Variants in CFHR3 observed in about 807,000 individuals in gnomAD.
The protein encoded by CFHR3 is complement factor H-related protein 3.
In CFHR3, 22 loss-of-function variants were observed where a neutral mutation model predicts 36.0. That is an observed-to-expected ratio of 0.61 (90% confidence interval 0.44 to 0.87). The LOEUF (loss-of-function observed/expected upper bound fraction) is 0.87, where lower values mean the gene tolerates loss of function less well. Among genes scored for constraint, CFHR3 ranks in the 40% least tolerant of loss-of-function variants. CFHR3 has a pLI of 0.00. For synonymous variants in CFHR3, 97 were observed against 137.4 expected, an observed-to-expected ratio of 0.71 and a Z score of 2.06; for missense variants, 276 against 401.3, an observed-to-expected ratio of 0.69 and a Z score of 2.67.
rs1427823500 is a variant in CFHR3, at chr1:196,789,316, C to G, written c.614-729C>G. ...TAAGCTAAGAGAGAAAAAAGATACA[C>G]TTACAAAGTGATTATCTCAATGTTA... On this transcript the variant is annotated intron_variant, in intron 4 of 5. Transcript: ENST00000367425. The G allele has an allele frequency of 2.0e-4, 178 of 873,208 alleles. 20 individuals carry two copies. The highest frequency in any genetic ancestry group is 2.3e-4 in the Non-Finnish European group (171 of 737,188). The allele number at this position is 873,208 out of a possible 1,614,324, so 54.1% of individuals were successfully genotyped here. A position where few individuals can be genotyped will look rare whatever the true frequency, so the allele number is the denominator to read the frequency against.
At position 196,788,865 on chromosome 1, in the gene CFHR3, A is replaced by G. The variant is rs770781053; in HGVS notation, c.613+467A>G. On this transcript the variant is annotated intron_variant, in intron 4 of 5. Transcript: ENST00000367425. Reference sequence around the variant, plus strand: ...AATCAGACCTTAATAATTTGTATCAATGATGCTACTGAGGATATCCAATCA... The same window carrying G: ...AATCAGACCTTAATAATTTGTATCAGTGATGCTACTGAGGATATCCAATCA... 15 of 1,442,290 alleles carry G rather than the reference A, an allele frequency of 1.0e-5. 4 individuals carry two copies. The highest frequency in any genetic ancestry group is 1.2e-5 in the Non-Finnish European group (13 of 1,088,278). 89.3% of individuals were successfully genotyped at this position (1,442,290 alleles called of 1,614,324 possible).
chr1:196,788,687 G>A lies in CFHR3; in HGVS notation c.613+289G>A, dbSNP rs1208642060. ...CTGCATGAGAGTATCAGCAAAATAT[G>A]TTAGTTGCCAATAAAAACTTTGTTG... On this transcript the variant is annotated intron_variant, in intron 4 of 5. Transcript: ENST00000367425. 4.8e-6 allele frequency: 7 copies of A among 1,454,090 alleles called. 2 individuals are homozygous for A. The highest frequency in any genetic ancestry group is 2.7e-5 in the South Asian group (2 of 74,194). 90.1% of individuals were successfully genotyped at this position (1,454,090 alleles called of 1,614,324 possible).
chr1:196,793,499 C>G lies in CFHR3; in HGVS notation c.979C>G (p.Pro327Ala). 1 of 1,524,310 alleles carries G rather than the reference C, an allele frequency of 6.6e-7. No individual in the cohort carries two copies. The highest frequency in any genetic ancestry group is 8.9e-7 in the Non-Finnish European group (1 of 1,127,510). 94.4% of individuals were successfully genotyped at this position (1,524,310 alleles called of 1,614,324 possible). A position where few individuals can be genotyped will look rare whatever the true frequency, so the allele number is the denominator to read the frequency against. ...AVCREGIVEY[P>A]RCE ...GTGTCGGGAAGGGATAGTGGAATAC[C>G]CCAGATGCGAATAAGGCAGCATTGT... The change falls in exon 6 of 6, where the codon CCC (proline) becomes GCC (alanine). Residue 327 changes from proline (P) to alanine (A), a missense_variant. Coordinates refer to ENST00000367425, the MANE Select transcript of CFHR3 (RefSeq NM_021023.6).
chr1:196,776,614 A>G (rs1290562101), intron 1 of CFHR3, among the ~76,000 whole-genome samples: 1 of 136,266 alleles, frequency 7.3e-6, no homozygotes, highest in Non-Finnish European at 1.6e-5. Flanking sequence ...CATAGAGAGA[A>G]AACAACCATT....
intron 3 of CFHR3, among the ~76,000 whole-genome samples, chr1:196,784,764 C>T (rs1399896505): frequency 7.4e-6 from 1 of 135,558 alleles, no homozygotes; most frequent in Non-Finnish European, 1.6e-5. Context: ...TCCAATTTGC[C>T]AGTCTGTGTC....
chr1:196,777,483 A>G (rs1241488739), intron 1 of CFHR3, among the ~76,000 whole-genome samples: 1 of 136,370 alleles, frequency 7.3e-6, no homozygotes, highest in African/African-American at 3.1e-5. Flanking sequence ...AGTTTAACTA[A>G]GAAGCTGGCT....
At position 196,779,434 on chromosome 1, in the gene CFHR3, CTT is replaced by C; in HGVS notation, c.253+79_253+80del. The C allele has an allele frequency of 6.2e-6, 7 of 1,137,048 alleles. 2 individuals are homozygous for C. Among genetic ancestry groups the C allele is most frequent in the Middle Eastern group, 4.6e-4 (2 of 4,306 alleles). 70.4% of individuals were successfully genotyped at this position (1,137,048 alleles called of 1,614,324 possible). On this transcript the variant is annotated intron_variant, in intron 2 of 5. Coordinates refer to ENST00000367425, the MANE Select transcript of CFHR3 (RefSeq NM_021023.6). ...AGAGGAGAGCACATAATTGATTACT[CTT>C]GTCTTATGTAACAGAAATAGGGCCA...
At chr1:196,788,477 T>C in intron 4 of CFHR3, 79 bp downstream of exon 4, 1 of 1,491,646 alleles carries the variant, frequency 6.7e-7, no homozygotes. Context: ...TACTTAAAAA[T>C]ATAGAAAACA....
Position 196,788,315 on chromosome 1 carries a change from C to T in CFHR3, c.530C>T (p.Pro177Leu), listed in dbSNP as rs556553587. ...AAAGAAATACAATATAAATGTAAAC[C>T]AGGATATGCAACAGCAGATGGAAAT... ...LNKEIQYKCK[P>L]GYATADGNSS... Residue 177 changes from proline (P) to leucine (L), a missense_variant, in exon 4 of 6, where the codon CCA becomes CTA. This residue lies in a region of CFHR3 where 178 missense variants were observed against 247.2 expected (regional missense o/e 0.72). Transcript: ENST00000367425. 1.1e-5 allele frequency: 17 copies of T among 1,523,328 alleles called. 4 individuals carry two copies. The South Asian group carries it at 2.1e-4, about 18-fold the overall frequency. The allele number at this position is 1,523,328 out of a possible 1,614,324, so 94.4% of individuals were successfully genotyped here. A position where few individuals can be genotyped will look rare whatever the true frequency, so the allele number is the denominator to read the frequency against.
chr1:196,781,889 C>T (rs1174212852), intron 3 of CFHR3, among the ~76,000 whole-genome samples: 1 of 136,568 alleles, frequency 7.3e-6, no homozygotes, highest in Non-Finnish European at 1.6e-5. Flanking sequence ...TGCCTATGTC[C>T]TGAATGGTAA....
chr1:196,783,404 T>C (rs1287934039), intron 3 of CFHR3, among the ~76,000 whole-genome samples: 6 of 132,740 alleles, frequency 4.5e-5, no homozygotes, highest in Non-Finnish European at 7.9e-5. Flanking sequence ...GTACCTCTGG[T>C]AGAATTCGGC....
At chr1:196,778,883 G>A (rs923513778) in intron 1 of CFHR3, among the ~76,000 whole-genome samples, 1 of 136,848 alleles carries the variant, frequency 7.3e-6, no homozygotes, top group Non-Finnish European at 1.6e-5. Context: ...TACATTAGTA[G>A]AAGTAGAGAA....
chr1:196,776,653 C>T (rs374718468), intron 1 of CFHR3, among the ~76,000 whole-genome samples: 1 of 136,604 alleles, frequency 7.3e-6, no homozygotes, highest in Non-Finnish European at 1.6e-5. Context: ...GTCTCAGAAG[C>T]ATCCAATCCT....
intron 3 of CFHR3, among the ~76,000 whole-genome samples, chr1:196,785,304 G>T (rs9661567): frequency 0.25 from 32,421 of 129,754 alleles, 7,747 homozygotes; most frequent in East Asian, 0.48. Flanking sequence ...TTCTCTAGGA[G>T]TATCTTTGTG....
chr1:196,779,599 T>G (rs1445464298), intron 2 of CFHR3, among the ~76,000 whole-genome samples, 198 bp from the exon 3 acceptor site: 1 of 136,876 alleles, frequency 7.3e-6, no homozygotes, highest in African/African-American at 3.0e-5. Flanking sequence ...TTATGAAAAC[T>G]AAAGAGAAGT....
chr1:196,786,904 G>A (rs1486847538), intron 3 of CFHR3, among the ~76,000 whole-genome samples: 1 of 137,584 alleles, frequency 7.3e-6, no homozygotes, highest in Non-Finnish European at 1.5e-5. Flanking sequence ...CGTCGCTCAC[G>A]CTGGGAGCTG....
Position 196,775,580 on chromosome 1 carries a change from T to C in CFHR3, c.58+636T>C, listed in dbSNP as rs1231567559. ...TCTGAGTTCACTAGCAAATGTTCAATAAGTAAATATACAGAAAATACTTTT... is the reference window on the plus strand; with the variant it reads ...TCTGAGTTCACTAGCAAATGTTCAACAAGTAAATATACAGAAAATACTTTT... On this transcript the variant is annotated intron_variant, in intron 1 of 5. Coordinates refer to ENST00000367425, the MANE Select transcript of CFHR3 (RefSeq NM_021023.6). 4.4e-5 allele frequency among the ~76,000 whole-genome samples: 6 copies of C among 137,312 alleles called. 2 individuals are homozygous for C. Among genetic ancestry groups the C allele is most frequent in the Non-Finnish European group, 9.3e-5 (6 of 64,516 alleles). The allele number at this position is 137,312 out of a possible 152,430, so 90.1% of individuals were successfully genotyped here.
Position 196,786,242 on chromosome 1 carries a change from G to A in CFHR3, c.431-1974G>A, listed in dbSNP as rs894244920. On this transcript the variant is annotated intron_variant, in intron 3 of 5. Transcript: ENST00000367425. ...GTGGTGCCTCCCAGTTAGGCTGCTC[G>A]GGGGTTGGGGTCAGCGACCAACTTG... Among the ~76,000 whole-genome samples the A allele has an allele frequency of 5.1e-5, 7 of 136,248 alleles. 1 individual carries two copies. Among genetic ancestry groups the A allele is most frequent in the African/African-American group, 1.5e-4 (5 of 32,390 alleles). The allele number at this position is 136,248 out of a possible 152,430, so 89.4% of individuals were successfully genotyped here.
In CFHR3 at chr1:196,789,712, C is replaced by A; in HGVS notation, c.614-333C>A. ...TCAGTTATGGAAACACCACAGGTTC[C>A]ATAGTGTGTGGTGAAGATGGGTAGT... On this transcript the variant is annotated intron_variant, in intron 4 of 5. Transcript: ENST00000367425. The A allele has an allele frequency of 1.4e-5, 21 of 1,461,812 alleles. 3 individuals carry two copies. The South Asian group carries it at 3.0e-4, about 21-fold the overall frequency. 90.6% of individuals were successfully genotyped at this position (1,461,812 alleles called of 1,614,324 possible). A position where few individuals can be genotyped will look rare whatever the true frequency, so the allele number is the denominator to read the frequency against.
Sources: allele counts gnomAD v4.1 joint callset (sites outside exome capture counted in the v4.1 genomes callset), GRCh38; gene constraint gnomAD v4.1.1; regional missense constraint gnomAD v4.1.1; transcripts MANE v1.5; gene names NCBI Gene and HGNC (gene_info 2026-07-23, HGNC 2026-07-21).